Variants in THOC1 observed in about 807,000 individuals in gnomAD.
THOC1 encodes THO complex subunit 1, also known as THO complex 1.
In THOC1, 29 loss-of-function variants were observed where a neutral mutation model predicts 97.3. That is an observed-to-expected ratio of 0.30 (90% confidence interval 0.22 to 0.41). The LOEUF (loss-of-function observed/expected upper bound fraction) is 0.41, where lower values mean the gene tolerates loss of function less well. Ranked by LOEUF, THOC1 falls within the 10% of genes least tolerant of loss-of-function variation. THOC1 has a pLI of 1.00. For synonymous variants in THOC1, 255 were observed against 257.0 expected (o/e 0.99, Z 0.07); for missense variants, 529 against 761.9 (o/e 0.69, Z 3.60).
chr18:235,432 C>T (rs1911646580), intron 11 of THOC1, among the ~76,000 whole-genome samples: 1 of 152,016 alleles, frequency 6.6e-6, no homozygotes, highest in Non-Finnish European at 1.5e-5. Flanking sequence ...CTCAATTTGT[C>T]ACTCTTTCTT....
At chr18:229,537 C>A (rs933159203) in intron 11 of THOC1, among the ~76,000 whole-genome samples, 2 of 150,348 alleles carry the variant, frequency 1.3e-5, no homozygotes, top group Non-Finnish European at 3.0e-5. Context: ...AAAAAATTAG[C>A]GGGGCGTGGT....
chr18:236,188 T>C (rs939216814), intron 11 of THOC1, among the ~76,000 whole-genome samples: 6 of 152,144 alleles, frequency 3.9e-5, no homozygotes, highest in Non-Finnish European at 5.9e-5. Context: ...TTTAGGTATA[T>C]ATCCCTTGTG....
At chr18:227,968 G>A (rs977007228) in intron 11 of THOC1, among the ~76,000 whole-genome samples, 1 of 151,874 alleles carries the variant, frequency 6.6e-6, no homozygotes, top group African/African-American at 2.4e-5. Flanking sequence ...TTAATGATCA[G>A]CCTTCCAGTC....
intron 4 of THOC1, 97 bp from the exon 5 acceptor site, chr18:260,401 T>C: frequency 1.3e-6 from 1 of 791,626 alleles, no homozygotes; most frequent in Non-Finnish European, 1.8e-6. Flanking sequence ...AAAGGTACAC[T>C]TTGTTACTCA....
At position 226,841 on chromosome 18, in the gene THOC1, T is replaced by C. The variant is rs369391941; in HGVS notation, c.979A>G (p.Ile327Val). Residue 327 changes from isoleucine (I) to valine (V), a missense_variant, in exon 12 of 21, where the codon ATT (isoleucine) becomes GTT (valine). Physicochemically the swap from Ile to Val is conservative, Grantham distance 29. Transcript: ENST00000261600. Reference protein sequence around the residue: ...FRRHILLQYLILFQYLKGQVK... With the variant: ...FRRHILLQYLVLFQYLKGQVK... ...TGCCCCTTGAGATATTGGAATAAAA[T>C]GAGATACTGCAACAGGATGTGTCGA... 9.9e-6 allele frequency: 16 copies of C among 1,612,192 alleles called. No individual in the cohort carries two copies. The South Asian group carries it at 1.7e-4, about 17-fold the overall frequency.
intron 5 of THOC1, 42 bp downstream of exon 5, chr18:260,144 T>C (rs200259358): frequency 7.3e-5 from 95 of 1,292,544 alleles, no homozygotes; most frequent in Non-Finnish European, 9.4e-5. Context: ...TCTGGATCTA[T>C]AGAAAGATAA....
chr18:252,485 A>G (rs1001095078), intron 9 of THOC1, 54 bp downstream of exon 9: 42 of 1,355,434 alleles, frequency 3.1e-5, no homozygotes, highest in Non-Finnish European at 3.9e-5. Context: ...AGGATACTCA[A>G]TAAATTAGGA....
chr18:217,294 A>G lies in THOC1; in HGVS notation c.1455-661T>C, dbSNP rs538777940. 6.6e-5 allele frequency among the ~76,000 whole-genome samples: 10 copies of G among 152,354 alleles called. No homozygotes were observed. In the South Asian group the frequency reaches 1.0e-3, roughly 16 times the overall value. On this transcript the variant is annotated intron_variant, in intron 18 of 20. Transcript: ENST00000261600. ...CCCATAGACACTGGGGACTCTTCCCAAGTTAACACCTGCTGTGAGGCTTTG... is the reference window on the plus strand; with the variant it reads ...CCCATAGACACTGGGGACTCTTCCCGAGTTAACACCTGCTGTGAGGCTTTG...
chr18:259,698 TA>T lies in THOC1; in HGVS notation c.407del (p.Leu136TyrfsTer9). ...ATTACTTACCATTGCACATACGTAG[TA>T]AGTAATTTTTCCCAGCAGAATAGAA... is the stretch of plus-strand genomic sequence containing the variant. ...NTFYSAGKNY[L>X]LRMCNDLLRR... On this transcript the variant is annotated frameshift_variant, in exon 6 of 21. Coordinates refer to ENST00000261600, the MANE Select transcript of THOC1 (RefSeq NM_005131.3). LOFTEE classifies it high-confidence loss of function. The T allele has an allele frequency of 6.4e-7, 1 of 1,551,814 alleles. No individual in the cohort carries two copies. The highest frequency in any genetic ancestry group is 2.4e-5 in the East Asian group (1 of 42,202).
chr18:222,066 GTATT>G (rs1460822439), intron 17 of THOC1, among the ~76,000 whole-genome samples: 4 of 151,762 alleles, frequency 2.6e-5, no homozygotes, highest in African/African-American at 9.7e-5. Context: ...TAAATTTTCT[GTATT>G]TACTTTTACC....
At position 254,412 on chromosome 18, in the gene THOC1, T is replaced by C; in HGVS notation, c.521-57A>G. ...AAGTCCAGTGACACCTAAACTTATGTATAACTTGTGTCATAATCAAAACTA... is the reference window on the plus strand; with the variant it reads ...AAGTCCAGTGACACCTAAACTTATGCATAACTTGTGTCATAATCAAAACTA... On this transcript the variant is annotated intron_variant, in intron 7 of 20. Transcript: ENST00000261600. This position sits in a 1 kb window ranked among gnomAD's most constrained non-coding sequence, Gnocchi z 4.1. 9.4e-7 allele frequency: 1 copy of C among 1,067,006 alleles called. No individual in the cohort carries two copies. Among genetic ancestry groups the C allele is most frequent in the East Asian group, 2.6e-5 (1 of 38,734 alleles). 66.1% of individuals were successfully genotyped at this position (1,067,006 alleles called of 1,614,324 possible).
intron 9 of THOC1, 121 bp from the exon 10 acceptor site, chr18:248,078 T>C: frequency 1.6e-6 from 1 of 641,520 alleles, no homozygotes; most frequent in Non-Finnish European, 2.6e-6. Context: ...ATCAGAAAAG[T>C]ACACATTCAC....
chr18:224,989 T>C lies in THOC1; in HGVS notation c.1143A>G (p.Ile381Met). 2 of 1,571,696 alleles carry C rather than the reference T, an allele frequency of 1.3e-6. No homozygotes were observed. Among genetic ancestry groups the C allele is most frequent in the Non-Finnish European group, 1.7e-6 (2 of 1,156,220 alleles). ...AGTTCCAGTTTTCTTCAGTGTTTAA[T>C]ATATGCTGGGAAAAACAAAGCGATT... ...GERFSKMVEH[I>M]LNTEENWNSW... Residue 381 changes from isoleucine to methionine, a missense_variant, in exon 15 of 21, where the codon ATA (isoleucine) becomes ATG (methionine). Transcript: ENST00000261600.
At chr18:225,272 C>A in intron 13 of THOC1, 65 bp downstream of exon 13, 1 of 1,584,532 alleles carries the variant, frequency 6.3e-7, no homozygotes, top group Non-Finnish European at 8.6e-7. Flanking sequence ...CTATTTGGGG[C>A]TGAAACAAAG....
chr18:261,851 T>C (rs1912616444), intron 4 of THOC1, among the ~76,000 whole-genome samples: 1 of 152,174 alleles, frequency 6.6e-6, no homozygotes, highest in African/African-American at 2.4e-5. Context: ...GGGAATCTCA[T>C]CTAAAAATAG....
intron 4 of THOC1, 83 bp from the exon 5 acceptor site, chr18:260,387 C>A (rs1384146254): frequency 1.1e-6 from 1 of 887,366 alleles, no homozygotes; most frequent in Non-Finnish European, 1.6e-6. Context: ...TGAAGAATAT[C>A]TTAAAAGGTA....
At chr18:252,634 T>G in intron 8 of THOC1, 22 bp from the exon 9 acceptor site, 1 of 1,578,558 alleles carries the variant, frequency 6.3e-7, no homozygotes, top group Non-Finnish European at 8.7e-7. Context: ...AAAAAATGTA[T>G]AGCCTGTCAT....
At chr18:235,227 T>A (rs915780708) in intron 11 of THOC1, among the ~76,000 whole-genome samples, 7 of 152,124 alleles carry the variant, frequency 4.6e-5, no homozygotes, top group Non-Finnish European at 8.8e-5. Flanking sequence ...TTTTTACTGT[T>A]AATATTGTTT....
intron 4 of THOC1, 76 bp from the exon 5 acceptor site, chr18:260,380 A>G (rs1455100589): frequency 1.1e-6 from 1 of 941,798 alleles, no homozygotes; most frequent in Non-Finnish European, 1.5e-6. Context: ...ATAATTCTGA[A>G]GAATATCTTA....
Sources: gnomAD v4.1 joint callset for allele counts (sites outside exome capture counted in the v4.1 genomes callset) on GRCh38, gnomAD v4.1.1 for gene constraint, Gnocchi (gnomAD v3.1) non-coding constraint, MANE v1.5 for transcripts, NCBI Gene and HGNC (gene_info 2026-07-23, HGNC 2026-07-21) for gene names.